GRHL2: variants seen among roughly 807,000 people sequenced by gnomAD.
The protein encoded by GRHL2 is grainyhead like transcription factor 2.
Under a neutral mutation model 83.8 loss-of-function variants are expected in GRHL2, and 21 were observed. The ratio of observed to expected loss-of-function variants is 0.25; its 90% CI spans 0.18 to 0.36. GRHL2 has a LOEUF of 0.36. Among genes scored for constraint, GRHL2 ranks in the 10% least tolerant of loss-of-function variants. GRHL2 has a pLI of 1.00. For missense variants in GRHL2, 623 were observed against 781.8 expected, an observed-to-expected ratio of 0.80 and a Z score of 2.42; for synonymous variants, 280 against 278.9, an observed-to-expected ratio of 1.00 and a Z score of -0.04.
intron 14 of GRHL2, among the ~76,000 whole-genome samples, chr8:101,653,269 T>C (rs1813710725): frequency 6.6e-6 from 1 of 152,152 alleles, no homozygotes; most frequent in African/African-American, 2.4e-5. Flanking sequence ...TTTTAACAGC[T>C]GAAAGTTATA....
intron 1 of GRHL2, among the ~76,000 whole-genome samples, chr8:101,506,302 A>G (rs1810339070): frequency 6.6e-6 from 1 of 152,198 alleles, no homozygotes; most frequent in Non-Finnish European, 1.5e-5. Flanking sequence ...GCTTATGGGG[A>G]AAAATTGGAA....
intron 1 of GRHL2, among the ~76,000 whole-genome samples, chr8:101,496,657 A>G (rs765261054): frequency 6.6e-6 from 1 of 152,146 alleles, no homozygotes; most frequent in Non-Finnish European, 1.5e-5. Flanking sequence ...GATAAGTGCT[A>G]TGAAGGAAAG....
chr8:101,611,292 C>G (rs976927965), intron 8 of GRHL2, among the ~76,000 whole-genome samples: 8 of 151,006 alleles, frequency 5.3e-5, no homozygotes, highest in African/African-American at 2.0e-4. Context: ...GTTACATCTT[C>G]TCACCCACCA....
rs549560931 is a variant in GRHL2 at position 101,500,327 on chromosome 8, G to A, written c.20+7538G>A. Among the ~76,000 whole-genome samples the A allele has an allele frequency of 2.6e-5, 4 of 152,134 alleles. No homozygotes were observed. The South Asian group carries it at 8.3e-4, about 32-fold the overall frequency. On this transcript the variant is annotated intron_variant, in intron 1 of 15. Transcript: ENST00000646743. ...TAGCTTCACTGGTCTTCAAATTTAGGCCTCCAAATTTCAGATTCACCCTAC... is the reference window on the plus strand; with the variant it reads ...TAGCTTCACTGGTCTTCAAATTTAGACCTCCAAATTTCAGATTCACCCTAC...
intron 13 of GRHL2, 88 bp from the exon 14 acceptor site, chr8:101,649,326 C>A: frequency 2.9e-6 from 3 of 1,043,552 alleles, no homozygotes; most frequent in Non-Finnish European, 4.5e-6. Context: ...CACTCTCCAA[C>A]ACCTGTGTGA....
intron 11 of GRHL2, among the ~76,000 whole-genome samples, chr8:101,633,914 C>T (rs1462887320): frequency 1.3e-5 from 2 of 152,102 alleles, no homozygotes; most frequent in African/African-American, 4.8e-5. Context: ...GGCAACCTGA[C>T]CTGTTCTGTT....
intron 8 of GRHL2, 59 bp downstream of exon 8, chr8:101,599,210 A>C (rs1812460808): frequency 4.4e-6 from 5 of 1,142,812 alleles, no homozygotes; most frequent in Non-Finnish European, 6.6e-6. Context: ...TCAGCAGTTT[A>C]TTCTTTTTTA....
At chr8:101,562,050 C>T in intron 4 of GRHL2, 2 of 748,230 alleles carry the variant, frequency 2.7e-6, no homozygotes, top group Non-Finnish European at 4.7e-6. Flanking sequence ...GTACCATTTT[C>T]TCTTCCAACT....
rs1220630325 is a variant in GRHL2, at chr8:101,558,338, C to A, written c.285-81C>A. On this transcript the variant is annotated intron_variant, in intron 3 of 15. Coordinates refer to ENST00000646743, the MANE Select transcript of GRHL2 (RefSeq NM_024915.4). ...TGGCATTAACATCCAATGATTATTG[C>A]CTGCATTGGTTATTCTATTAGGCGT... 2.0e-6 allele frequency: 3 copies of A among 1,491,914 alleles called. No individual in the cohort carries two copies. The East Asian group carries it at 6.8e-5, about 34-fold the overall frequency. 92.4% of individuals were successfully genotyped at this position (1,491,914 alleles called of 1,614,324 possible).
At chr8:101,533,658 T>C (rs1020653751) in intron 1 of GRHL2, among the ~76,000 whole-genome samples, 3 of 152,128 alleles carry the variant, frequency 2.0e-5, no homozygotes, top group African/African-American at 7.2e-5. Flanking sequence ...TTTAAAGGAA[T>C]TGGAAATTCC....
intron 2 of GRHL2, 95 bp from the exon 3 acceptor site, chr8:101,552,620 C>A (rs1563576720): frequency 2.7e-6 from 3 of 1,109,796 alleles, no homozygotes; most frequent in East Asian, 4.7e-5. Flanking sequence ...GGAGAACATT[C>A]CATTTTGGTT....
At chr8:101,605,917 C>T (rs889642721) in intron 8 of GRHL2, among the ~76,000 whole-genome samples, 1 of 152,208 alleles carries the variant, frequency 6.6e-6, no homozygotes, top group African/African-American at 2.4e-5. Flanking sequence ...AGCTCCTTTC[C>T]CTGGCATCCT....
At chr8:101,637,041 A>G in intron 12 of GRHL2, 113 bp downstream of exon 12, 2 of 937,378 alleles carry the variant, frequency 2.1e-6, no homozygotes, top group Admixed American at 1.7e-5. Context: ...CTCTCACCTC[A>G]GGACTCAGAG....
chr8:101,654,835 T>G (rs1368317479), intron 14 of GRHL2, among the ~76,000 whole-genome samples: 1 of 152,182 alleles, frequency 6.6e-6, no homozygotes, highest in Admixed American at 6.6e-5. Context: ...GTTCTTATAC[T>G]CAGCAGACAT....
chr8:101,628,496 G>A (rs114872765), intron 9 of GRHL2, among the ~76,000 whole-genome samples: 2 of 151,980 alleles, frequency 1.3e-5, no homozygotes, highest in African/African-American at 4.8e-5. Context: ...GATTAATATT[G>A]TTTTCATGCC....
intron 2 of GRHL2, among the ~76,000 whole-genome samples, chr8:101,550,735 A>C (rs746950707): frequency 1.3e-5 from 2 of 152,166 alleles, no homozygotes; most frequent in African/African-American, 2.4e-5. Context: ...CCAAACAGAA[A>C]ACTCTGTACT....
intron 1 of GRHL2, among the ~76,000 whole-genome samples, chr8:101,539,612 T>A: frequency 6.6e-6 from 1 of 152,334 alleles, no homozygotes; most frequent in Middle Eastern, 3.4e-3. Context: ...GTTTTCTACA[T>A]GGAAATGCTA....
At chr8:101,495,689 C>A (rs187103401) in intron 1 of GRHL2, among the ~76,000 whole-genome samples, 1 of 152,182 alleles carries the variant, frequency 6.6e-6, no homozygotes, top group East Asian at 1.9e-4. Context: ...CTATTTGTAA[C>A]ACATTCAGAT....
intron 7 of GRHL2, among the ~76,000 whole-genome samples, chr8:101,591,570 G>A (rs755491994): frequency 1.3e-5 from 2 of 152,186 alleles, no homozygotes; most frequent in African/African-American, 4.8e-5. Context: ...TGCTGACAAT[G>A]TGTTGTTGAA....
Sources: gnomAD v4.1 joint callset for allele counts (sites outside exome capture counted in the v4.1 genomes callset) on GRCh38, gnomAD v4.1.1 for gene constraint, MANE v1.5 for transcripts, NCBI Gene and HGNC (gene_info 2026-07-23, HGNC 2026-07-21) for gene names.